C6orf163: variants seen among roughly 807,000 people sequenced by gnomAD.
The protein encoded by C6orf163 is uncharacterized protein C6orf163.
C6orf163 carries 22 observed loss-of-function variants against 28.4 expected under a neutral mutation model. The ratio of observed to expected loss-of-function variants is 0.78; its 90% confidence interval spans 0.55 to 1.11. The LOEUF (loss-of-function observed/expected upper bound fraction) is 1.11. Among genes scored for constraint, C6orf163 ranks in the 50% least tolerant of loss-of-function variants. C6orf163 has a pLI of 0.00. For missense variants in C6orf163, 342 were observed against 389.1 expected, an observed-to-expected ratio of 0.88 and a Z score of 1.02; for synonymous variants, 110 against 123.6, an observed-to-expected ratio of 0.89 and a Z score of 0.73.
intron 4 of C6orf163, among the ~76,000 whole-genome samples, chr6:87,364,057 G>T (rs972271412): frequency 4.6e-5 from 7 of 152,174 alleles, no homozygotes; most frequent in African/African-American, 1.2e-4. Flanking sequence ...GCCAGGGCGG[G>T]TGGATCACTT....
At chr6:87,355,807 G>A (rs1345849675) in intron 3 of C6orf163, among the ~76,000 whole-genome samples, 7 of 152,090 alleles carry the variant, frequency 4.6e-5, no homozygotes. Flanking sequence ...TGGTGACAGG[G>A]TTTTCCTTGA....
At chr6:87,354,283 T>C (rs1777464390) in intron 3 of C6orf163, among the ~76,000 whole-genome samples, 1 of 152,198 alleles carries the variant, frequency 6.6e-6, no homozygotes, top group South Asian at 2.1e-4. Context: ...TTCTTGTTCT[T>C]TGAAGAAAAG....
chr6:87,351,139 G>C lies in C6orf163; in HGVS notation c.351+638G>C, dbSNP rs1208557160. The stretch of plus-strand genomic sequence containing the variant: ...CTCTAGGTAACTTACAAACTTTCAG[G>C]TGGAGACCCTAGGATTCATTGTTAG... On this transcript the variant is annotated intron_variant, in intron 3 of 4. Coordinates refer to ENST00000388923, the MANE Select transcript of C6orf163 (RefSeq NM_001010868.3). Among the ~76,000 whole-genome samples the C allele has an allele frequency of 3.9e-5, 6 of 152,196 alleles. No individual in the cohort carries two copies. In the South Asian group the frequency reaches 6.2e-4, roughly 16 times the overall value.
At chr6:87,347,494 T>G in intron 1 of C6orf163, 1 of 985,430 alleles carries the variant, frequency 1.0e-6, no homozygotes, top group African/African-American at 1.7e-5. Flanking sequence ...TAGAAAATCT[T>G]TTCTAATTAT....
intron 4 of C6orf163, chr6:87,356,979 T>C (rs1327219140): frequency 6.5e-6 from 1 of 154,726 alleles, no homozygotes. Flanking sequence ...TTTTTCTTAT[T>C]ATGCAAGTAA....
At chr6:87,354,445 C>T (rs775801940) in intron 3 of C6orf163, among the ~76,000 whole-genome samples, 5 of 152,234 alleles carry the variant, frequency 3.3e-5, no homozygotes, top group Non-Finnish European at 7.3e-5. Context: ...AATCATTCAT[C>T]TTTGTCTACC....
rs112597808 is a variant in C6orf163, at chr6:87,352,398, CA to C, written c.351+1899del. 5.5e-3 allele frequency among the ~76,000 whole-genome samples: 832 copies of C among 152,174 alleles called. 9 individuals are homozygous for C. Among genetic ancestry groups the C allele is most frequent in the African/African-American group, 0.019 (782 of 41,510 alleles). On this transcript the variant is annotated intron_variant, in intron 3 of 4. Coordinates refer to ENST00000388923, the MANE Select transcript of C6orf163 (RefSeq NM_001010868.3). Reference sequence around the variant, plus strand: ...CACACATATTAAAGTTTGAGATTACCAATGTATAGCAGAAAACCAAGTTCCT... The same window carrying C: ...CACACATATTAAAGTTTGAGATTACCATGTATAGCAGAAAACCAAGTTCCT...
intron 3 of C6orf163, 34 bp downstream of exon 3, chr6:87,350,535 A>C (rs1350727505): frequency 8.1e-7 from 1 of 1,227,026 alleles, no homozygotes; most frequent in East Asian, 2.5e-5. Context: ...GTCTTTTAAA[A>C]GTAATTACAT....
At chr6:87,363,656 T>C (rs1456701058) in intron 4 of C6orf163, among the ~76,000 whole-genome samples, 1 of 151,898 alleles carries the variant, frequency 6.6e-6, no homozygotes, top group Non-Finnish European at 1.5e-5. Context: ...TTCATCCATG[T>C]CCCTACAAAG....
At position 87,365,297 on chromosome 6, in the gene C6orf163, T is replaced by C; in HGVS notation, c.891T>C (p.Phe297=). The change falls in exon 5 of 5, where the codon TTT becomes TTC. Residue 297 remains phenylalanine (F), a synonymous_variant. Coordinates refer to ENST00000388923, the MANE Select transcript of C6orf163 (RefSeq NM_001010868.3). The part of the protein sequence containing the change: ...MAFQKYINYT[F]PKLSPGHADF... Reference sequence around the variant, plus strand: ...TTCAAAAATACATCAATTATACCTTTCCTAAGCTTTCACCAGGACATGCAG... The same window carrying C: ...TTCAAAAATACATCAATTATACCTTCCCTAAGCTTTCACCAGGACATGCAG... 1.3e-6 allele frequency: 2 copies of C among 1,551,592 alleles called. No individual in the cohort carries two copies.
chr6:87,355,529 C>T (rs1201861008), intron 3 of C6orf163, among the ~76,000 whole-genome samples: 1 of 152,206 alleles, frequency 6.6e-6, no homozygotes, highest in East Asian at 1.9e-4. Context: ...CCATTGCCCC[C>T]CAGCCTGGGC....
intron 4 of C6orf163, 80 bp from the exon 5 acceptor site, chr6:87,364,881 T>C: frequency 1.3e-5 from 14 of 1,093,584 alleles, no homozygotes; most frequent in Non-Finnish European, 1.8e-5. Context: ...AATTGCTCAT[T>C]CATCTGCGTT....
Position 87,364,958 on chromosome 6 carries a change from T to G in C6orf163, c.555-3T>G. On this transcript the variant is annotated splice_region_variant and splice_polypyrimidine_tract_variant and intron_variant, in intron 4 of 4. Transcript: ENST00000388923. Reference sequence around the variant, plus strand: ...AATTATAAATCCATATTATCTTTTGTAGCAAAGCCGTGGAGGAAATTGTGA... The same window carrying G: ...AATTATAAATCCATATTATCTTTTGGAGCAAAGCCGTGGAGGAAATTGTGA... 1 of 1,532,110 alleles carries G rather than the reference T, an allele frequency of 6.5e-7. No homozygotes were observed. Among genetic ancestry groups the G allele is most frequent in the Non-Finnish European group, 8.8e-7 (1 of 1,135,878 alleles). The allele number at this position is 1,532,110 out of a possible 1,614,324, so 94.9% of individuals were successfully genotyped here.
In C6orf163 at chr6:87,350,444, T is replaced by C; in HGVS notation, c.294T>C (p.Asn98=). ...QAVEKALEEA[N]DRHKIEIQIL... is the part of the protein sequence containing the mutation. The stretch of plus-strand genomic sequence containing the variant: ...TGGAGAAAGCACTTGAAGAAGCAAA[T>C]GACAGACACAAAATTGAAATTCAGA... Residue 98 remains asparagine, a synonymous_variant, in exon 3 of 5, where the codon AAT becomes AAC. Coordinates refer to ENST00000388923, the MANE Select transcript of C6orf163 (RefSeq NM_001010868.3). 6.5e-7 allele frequency: 1 copy of C among 1,536,000 alleles called. No homozygotes were observed.
At chr6:87,348,607 C>T in intron 1 of C6orf163, 1 of 1,341,882 alleles carries the variant, frequency 7.5e-7, no homozygotes, top group Non-Finnish European at 9.6e-7. Context: ...ATGACCAACT[C>T]TATCCAGGCC....
At chr6:87,363,824 T>C (rs1398863889) in intron 4 of C6orf163, among the ~76,000 whole-genome samples, 2 of 152,230 alleles carry the variant, frequency 1.3e-5, no homozygotes, top group East Asian at 3.8e-4. Context: ...CATGTGTCTT[T>C]ATAGCAGCAT....
chr6:87,360,859 A>C (rs1202790640), intron 4 of C6orf163, among the ~76,000 whole-genome samples: 1 of 152,182 alleles, frequency 6.6e-6, no homozygotes, highest in South Asian at 2.1e-4. Flanking sequence ...CGGGCACCAC[A>C]CTAGGCAGGG....
chr6:87,363,060 T>C (rs1392841927), intron 4 of C6orf163, among the ~76,000 whole-genome samples: 1 of 152,196 alleles, frequency 6.6e-6, no homozygotes, highest in Non-Finnish European at 1.5e-5. Context: ...AATGTCTTCT[T>C]CATAAAAAGA....
At chr6:87,355,897 C>T (rs1777493837) in intron 3 of C6orf163, among the ~76,000 whole-genome samples, 1 of 152,146 alleles carries the variant, frequency 6.6e-6, no homozygotes. Context: ...ACCCAGGAGA[C>T]ACGAGGCATA....
Sources: allele counts gnomAD v4.1 joint callset (sites outside exome capture counted in the v4.1 genomes callset), GRCh38; gene constraint gnomAD v4.1.1; transcripts MANE v1.5; gene names NCBI Gene and HGNC (gene_info 2026-07-23, HGNC 2026-07-21).